The following DNM2 variants were observed in gnomAD, a reference collection of about 807,000 sequenced individuals.
DNM2 encodes dynamin-2.
Under a neutral mutation model 99.0 loss-of-function variants are expected in DNM2, and 15 were observed. That is an observed-to-expected ratio of 0.15 (90% CI 0.10 to 0.23). The LOEUF is 0.23. DNM2 is among the 10% of genes least tolerant of loss of function. DNM2 has a pLI of 1.00. For missense variants in DNM2, 742 were observed against 1,189.4 expected (o/e 0.62, Z 5.53); for synonymous variants, 525 against 481.2 (o/e 1.09, Z -1.19).
At chr19:10,730,154 T>C (rs1451557586) in intron 1 of DNM2, among the ~76,000 whole-genome samples, 1 of 151,940 alleles carries the variant, frequency 6.6e-6, no homozygotes, top group Non-Finnish European at 1.5e-5. Flanking sequence ...ATGAGCCACC[T>C]CTCCCAGCCA....
intron 1 of DNM2, among the ~76,000 whole-genome samples, chr19:10,743,196 A>G (rs1484729273): frequency 1.3e-5 from 2 of 150,690 alleles, no homozygotes; most frequent in Non-Finnish European, 3.0e-5. Context: ...GTGAGCCACC[A>G]CGCCCGGCCG....
Position 10,820,216 on chromosome 19 carries a change from A to G in DNM2, c.1781+127A>G, listed in dbSNP as rs2072928748. The stretch of plus-strand genomic sequence containing the variant: ...TCCCTGCCCTTGGGACCCAGCTTTT[A>G]GAAAGGGGAGTCACGTGAGAAATAG... On this transcript the variant is annotated intron_variant, in intron 16 of 20. Transcript: ENST00000389253. The surrounding 1 kb of genome is among the most constrained non-coding windows in gnomAD (Gnocchi z 4.3). 1.2e-6 allele frequency: 1 copy of G among 867,554 alleles called. No homozygotes were observed. The highest frequency in any genetic ancestry group is 1.9e-6 in the Non-Finnish European group (1 of 530,528). 53.7% of individuals were successfully genotyped at this position (867,554 alleles called of 1,614,324 possible). A position where few individuals can be genotyped will look rare whatever the true frequency, so the allele number is the denominator to read the frequency against.
intron 12 of DNM2, among the ~76,000 whole-genome samples, chr19:10,804,682 TG>T (rs2072273147): frequency 6.6e-6 from 1 of 152,088 alleles, no homozygotes; most frequent in Non-Finnish European, 1.5e-5. Context: ...AGTGAGACTC[TG>T]TCTCAAAAAT....
intron 4 of DNM2, among the ~76,000 whole-genome samples, chr19:10,776,579 C>T (rs939262733): frequency 1.3e-5 from 2 of 152,198 alleles, no homozygotes; most frequent in Non-Finnish European, 2.9e-5. Flanking sequence ...GCCCTCAGCC[C>T]CCGTGGGAGC....
Position 10,718,256 on chromosome 19 carries a change from G to A in DNM2, c.14G>A (p.Gly5Glu), listed in dbSNP as rs1335887714. Residue 5 changes from glycine to glutamate, a missense_variant, in exon 1 of 21, where the codon GGG becomes GAG. Gly to Glu is a moderately conservative substitution (Grantham distance 98). Transcript: ENST00000389253. The stretch of plus-strand genomic sequence containing the variant: ...GCCGCCGGCGCCATGGGCAACCGCG[G>A]GATGGAAGAGCTGATCCCGCTGGTC... MGNR[G>E]MEELIPLVNK... 6.7e-7 allele frequency: 1 copy of A among 1,485,560 alleles called. No individual in the cohort carries two copies. Among genetic ancestry groups the A allele is most frequent in the Non-Finnish European group, 9.0e-7 (1 of 1,116,278 alleles). 92.0% of individuals were successfully genotyped at this position (1,485,560 alleles called of 1,614,324 possible). A position where few individuals can be genotyped will look rare whatever the true frequency, so the allele number is the denominator to read the frequency against.
rs75522352 is a variant in DNM2, at chr19:10,768,875, A to G, written c.236-3604A>G. On this transcript the variant is annotated intron_variant, in intron 2 of 20. Coordinates refer to ENST00000389253, the MANE Select transcript of DNM2 (RefSeq NM_001005361.3). ...ATGGACATTCAAGGTAAAGCTCTCT[A>G]TATTAGATTTCTTCTCACCCTTTGT... 1,312 of 152,208 alleles carry G rather than the reference A, an allele frequency of 8.6e-3. 21 individuals are homozygous for G. The highest frequency in any genetic ancestry group is 0.03 in the African/African-American group (1,261 of 41,506). The allele number at this position is 152,208 out of a possible 1,614,324, so 9.4% of individuals were successfully genotyped here. A position where few individuals can be genotyped will look rare whatever the true frequency, so the allele number is the denominator to read the frequency against.
Position 10,798,528 on chromosome 19 carries a change from G to A in DNM2, c.1378G>A (p.Val460Ile), listed in dbSNP as rs143992936. 3.7e-6 allele frequency: 6 copies of A among 1,614,008 alleles called. No homozygotes were observed. The African/African-American group carries it at 4.0e-5, about 11-fold the overall frequency. ...PRLREETERIVTTYIREREGR... is the reference protein window; with the variant it reads ...PRLREETERIITTYIREREGR... ...GTTGCGAGAGGAGACAGAGCGAATC[G>A]TCACCACTTACATCCGGGAACGGGA... is the stretch of plus-strand genomic sequence containing the variant. Residue 460 changes from valine to isoleucine, a missense_variant, in exon 11 of 21, where the codon GTC becomes ATC. Physicochemically the swap from Val to Ile is conservative, Grantham distance 29 (BLOSUM62 3). Coordinates refer to ENST00000389253, the MANE Select transcript of DNM2 (RefSeq NM_001005361.3).
At position 10,831,060 on chromosome 19, in the gene DNM2, G is replaced by C. The variant is rs750490287; in HGVS notation, c.*13G>C. On this transcript the variant is annotated 3_prime_UTR_variant, in exon 21 of 21. Transcript: ENST00000389253. This position sits in a 1 kb window ranked among gnomAD's most constrained non-coding sequence, Gnocchi z 4.3. ...CCTGCTCGACTAGGCCTCGAGGGGG[G>C]CGTGCTCTCGGGGGGGCCTCACGCA... The C allele has an allele frequency of 1.0e-5, 16 of 1,593,600 alleles. No individual in the cohort carries two copies. The highest frequency in any genetic ancestry group is 1.4e-5 in the Non-Finnish European group (16 of 1,169,704).
chr19:10,723,640 T>C (rs1195368951), intron 1 of DNM2, among the ~76,000 whole-genome samples: 4 of 152,238 alleles, frequency 2.6e-5, no homozygotes, highest in Admixed American at 6.5e-5. Context: ...TGAGACAGTT[T>C]GGAGTGCTTG....
At chr19:10,768,471 CA>C (rs1020104975) in intron 2 of DNM2, 4 of 151,176 alleles carry the variant, frequency 2.6e-5, no homozygotes, top group East Asian at 1.9e-4. Context: ...ACAACAACAA[CA>C]AAAAAAAACA....
At chr19:10,825,019 C>A in intron 17 of DNM2, 38 bp from the exon 18 acceptor site, 1 of 1,612,766 alleles carries the variant, frequency 6.2e-7, no homozygotes, top group South Asian at 1.1e-5. Flanking sequence ...TTGGCCCAGG[C>A]CACAGTCACC....
rs1055035649 is a variant in DNM2, at chr19:10,765,984, A to G, written c.235+6173A>G. Among the ~76,000 whole-genome samples, 1 of 152,088 alleles carries G rather than the reference A, an allele frequency of 6.6e-6. No homozygotes were observed. Among genetic ancestry groups the G allele is most frequent in the Non-Finnish European group, 1.5e-5 (1 of 68,008 alleles). On this transcript the variant is annotated intron_variant, in intron 2 of 20. Coordinates refer to ENST00000389253, the MANE Select transcript of DNM2 (RefSeq NM_001005361.3). This position sits in a 1 kb window ranked among gnomAD's most constrained non-coding sequence, Gnocchi z 4.4. ...CAGCTGAGCCGTGTTTGTGCTCCTGATGGGATTTGATCGCAGTCATATGGG... is the reference window on the plus strand; with the variant it reads ...CAGCTGAGCCGTGTTTGTGCTCCTGGTGGGATTTGATCGCAGTCATATGGG...
intron 2 of DNM2, among the ~76,000 whole-genome samples, chr19:10,771,229 G>A (rs920222043): frequency 2.0e-5 from 3 of 152,136 alleles, no homozygotes; most frequent in African/African-American, 4.8e-5. Context: ...CTGTGTACTC[G>A]GCAGCCACCT....
intron 1 of DNM2, among the ~76,000 whole-genome samples, chr19:10,758,391 T>TTCCC (rs2070484637): frequency 1.7e-5 from 1 of 59,330 alleles, no homozygotes; most frequent in Non-Finnish European, 3.8e-5. Context: ...CCCTCCTTCC[T>TTCCC]TCCCTCCTTC....
At chr19:10,779,901 G>T (rs980659154) in intron 5 of DNM2, among the ~76,000 whole-genome samples, 1 of 151,834 alleles carries the variant, frequency 6.6e-6, no homozygotes, top group Admixed American at 6.6e-5. Context: ...TGATCCACCC[G>T]CCTCAGCCTC....
chr19:10,788,383 G>A (rs553599869), intron 7 of DNM2, among the ~76,000 whole-genome samples: 56 of 152,364 alleles, frequency 3.7e-4, no homozygotes, highest in Middle Eastern at 3.4e-3. Flanking sequence ...CCTGTGGCTG[G>A]ATGGAGTGAG....
At chr19:10,768,329 C>T (rs1354625736) in intron 2 of DNM2, among the ~76,000 whole-genome samples, 3 of 152,162 alleles carry the variant, frequency 2.0e-5, no homozygotes, top group Non-Finnish European at 4.4e-5. Context: ...TGGCGGGCGC[C>T]TGTCGTCCCA....
At chr19:10,800,721 C>T (rs1469312064) in intron 11 of DNM2, among the ~76,000 whole-genome samples, 4 of 152,272 alleles carry the variant, frequency 2.6e-5, no homozygotes, top group African/African-American at 9.6e-5. Context: ...TCCTCCCCAG[C>T]AGCCTGGCCT....
intron 2 of DNM2, among the ~76,000 whole-genome samples, chr19:10,766,101 G>A (rs1381071707): frequency 6.6e-6 from 1 of 152,162 alleles, no homozygotes; most frequent in East Asian, 1.9e-4. Context: ...TCGCTAGGCT[G>A]TGAAACCACG....
Sources: gnomAD v4.1 joint callset for allele counts (sites outside exome capture counted in the v4.1 genomes callset) on GRCh38, gnomAD v4.1.1 for gene constraint, Gnocchi (gnomAD v3.1) non-coding constraint, MANE v1.5 for transcripts, NCBI Gene and HGNC (gene_info 2026-07-23, HGNC 2026-07-21) for gene names.